TMEM132C: variants seen among roughly 807,000 people sequenced by gnomAD.
TMEM132C encodes transmembrane protein 132C.
In TMEM132C, 29 loss-of-function variants were observed where a neutral mutation model predicts 61.4. That is an observed-to-expected ratio of 0.47 (90% CI 0.35 to 0.64). TMEM132C has a LOEUF of 0.64. Among genes scored for constraint, TMEM132C ranks in the 30% least tolerant of loss-of-function variants. The pLI, the probability that TMEM132C is intolerant of heterozygous loss-of-function variation, is 0.00. For synonymous variants in TMEM132C, 656 were observed against 633.1 expected, an observed-to-expected ratio of 1.04 and a Z score of -0.54; for missense variants, 1,408 against 1,476.9, an observed-to-expected ratio of 0.95 and a Z score of 0.76.
intron 2 of TMEM132C, among the ~76,000 whole-genome samples, chr12:128,523,057 A>G (rs1162891820): frequency 2.6e-5 from 4 of 152,196 alleles, no homozygotes; most frequent in Middle Eastern, 6.3e-3. Flanking sequence ...TAGATATACA[A>G]TGGAATATTA....
intron 3 of TMEM132C, among the ~76,000 whole-genome samples, chr12:128,589,499 C>T (rs1875673871): frequency 6.6e-6 from 1 of 152,020 alleles, no homozygotes; most frequent in African/African-American, 2.4e-5. Context: ...CAGCCTGCAC[C>T]TCCCCCTCCC....
At chr12:128,305,890 G>A (rs1012005626) in intron 1 of TMEM132C, among the ~76,000 whole-genome samples, 2 of 152,242 alleles carry the variant, frequency 1.3e-5, no homozygotes, top group South Asian at 4.1e-4. Context: ...ACTGACGGTA[G>A]CCTGGTGATA....
At chr12:128,499,110 C>G (rs2100669) in intron 2 of TMEM132C, among the ~76,000 whole-genome samples, 50,913 of 151,986 alleles carry the variant, frequency 0.33, 9,037 homozygotes, top group East Asian at 0.57. Context: ...AGAGCTCACA[C>G]TTTCTGATTT....
intron 3 of TMEM132C, among the ~76,000 whole-genome samples, chr12:128,614,153 G>A (rs1029525962): frequency 2.6e-5 from 4 of 152,242 alleles, no homozygotes; most frequent in South Asian, 2.1e-4. Flanking sequence ...CACCAATAGC[G>A]GTTCTATTGA....
intron 1 of TMEM132C, among the ~76,000 whole-genome samples, chr12:128,320,631 T>A (rs1872300355): frequency 6.6e-6 from 1 of 150,934 alleles, no homozygotes; most frequent in Non-Finnish European, 1.5e-5. Flanking sequence ...TAGTCAGGAG[T>A]GTTGGCTCAT....
chr12:128,655,022 T>C (rs1035615985), intron 4 of TMEM132C, among the ~76,000 whole-genome samples: 2 of 152,170 alleles, frequency 1.3e-5, no homozygotes, highest in African/African-American at 4.8e-5. Context: ...ATGAGGGGAA[T>C]TGTTAGTGTT....
At chr12:128,352,077 C>A (rs1161738615) in intron 1 of TMEM132C, among the ~76,000 whole-genome samples, 2 of 152,136 alleles carry the variant, frequency 1.3e-5, no homozygotes, top group African/African-American at 4.8e-5. Flanking sequence ...CAGGTCTTCA[C>A]TGATTGCACA....
chr12:128,588,981 T>C (rs1280514331), intron 3 of TMEM132C, among the ~76,000 whole-genome samples: 1 of 152,134 alleles, frequency 6.6e-6, no homozygotes, highest in Non-Finnish European at 1.5e-5. Flanking sequence ...AGACAGTCTA[T>C]GGAAGGGCTG....
chr12:128,479,211 G>A (rs931624978), intron 2 of TMEM132C, among the ~76,000 whole-genome samples: 24 of 152,198 alleles, frequency 1.6e-4, no homozygotes, highest in South Asian at 4.1e-4. Flanking sequence ...CCTTTCAGAG[G>A]GTGGAGGGTG....
At chr12:128,340,138 G>A (rs1345604723) in intron 1 of TMEM132C, among the ~76,000 whole-genome samples, 3 of 152,158 alleles carry the variant, frequency 2.0e-5, no homozygotes, top group East Asian at 3.9e-4. Context: ...GCAAGGACAC[G>A]CTCTGTGGAA....
chr12:128,340,911 TCTC>T (rs1565906173), intron 1 of TMEM132C, among the ~76,000 whole-genome samples: 16 of 116,602 alleles, frequency 1.4e-4, no homozygotes, highest in African/African-American at 5.2e-4. Context: ...TCTTTCTCTC[TCTC>T]TTTCTCTCTC....
intron 4 of TMEM132C, among the ~76,000 whole-genome samples, chr12:128,654,472 C>A (rs118187330): frequency 6.6e-6 from 1 of 152,168 alleles, no homozygotes; most frequent in Non-Finnish European, 1.5e-5. Context: ...TATGCCATCC[C>A]GTTTGCTGTA....
intron 3 of TMEM132C, among the ~76,000 whole-genome samples, chr12:128,571,495 A>G (rs943433070): frequency 2.6e-5 from 4 of 151,982 alleles, no homozygotes; most frequent in African/African-American, 9.7e-5. Context: ...ACCACCATCC[A>G]CCTCCAAAAT....
At chr12:128,547,252 A>G (rs1873984083) in intron 3 of TMEM132C, among the ~76,000 whole-genome samples, 1 of 152,154 alleles carries the variant, frequency 6.6e-6, no homozygotes, top group African/African-American at 2.4e-5. Flanking sequence ...CACCAAGGCC[A>G]TGACTGTGGC....
chr12:128,625,331 C>T (rs1954004676), intron 4 of TMEM132C, among the ~76,000 whole-genome samples: 1 of 152,192 alleles, frequency 6.6e-6, no homozygotes, highest in Non-Finnish European at 1.5e-5. Flanking sequence ...CCTCCTGGTG[C>T]ATAGACAGTG....
chr12:128,447,683 A>G (rs892895671), intron 2 of TMEM132C, among the ~76,000 whole-genome samples: 4 of 140,976 alleles, frequency 2.8e-5, no homozygotes, highest in African/African-American at 2.7e-5. Context: ...ACACTCCTAG[A>G]CGTATGATAT....
At chr12:128,569,863 C>G (rs1464617435) in intron 3 of TMEM132C, among the ~76,000 whole-genome samples, 1 of 152,002 alleles carries the variant, frequency 6.6e-6, no homozygotes, top group African/African-American at 2.4e-5. Context: ...CCATCTTTTG[C>G]CAAAATCACA....
chr12:128,410,503 A>G (rs1430082011), intron 1 of TMEM132C, among the ~76,000 whole-genome samples: 2 of 152,098 alleles, frequency 1.3e-5, no homozygotes, highest in Non-Finnish European at 2.9e-5. Flanking sequence ...CCAGGGTTCA[A>G]GTGATTCTCC....
rs370127666 is a variant in TMEM132C, at chr12:128,705,022, C to T, written c.2122-68C>T. The T allele has an allele frequency of 1.3e-5, 19 of 1,453,206 alleles. 1 individual carries two copies. Among genetic ancestry groups the T allele is most frequent in the Admixed American group, 2.6e-5 (1 of 38,498 alleles). 90.0% of individuals were successfully genotyped at this position (1,453,206 alleles called of 1,614,324 possible). ...TGCTCCCTGTTTCATTGGGCGTCCTCCTAGGAGGGGGTTTCTAAGGGAAAA... is the reference window on the plus strand; with the variant it reads ...TGCTCCCTGTTTCATTGGGCGTCCTTCTAGGAGGGGGTTTCTAAGGGAAAA... On this transcript the variant is annotated intron_variant, in intron 8 of 8. Transcript: ENST00000435159.
Sources: gnomAD v4.1 joint callset for allele counts (sites outside exome capture counted in the v4.1 genomes callset) on GRCh38, gnomAD v4.1.1 for gene constraint, MANE v1.5 for transcripts, NCBI Gene and HGNC (gene_info 2026-07-23, HGNC 2026-07-21) for gene names.